USP42: variants seen among roughly 807,000 people sequenced by gnomAD.
USP42 encodes ubiquitin specific peptidase 42.
USP42 carries 23 observed loss-of-function variants against 113.0 expected under a neutral mutation model. That is an observed-to-expected ratio of 0.20 (90% CI 0.15 to 0.29). The LOEUF (loss-of-function observed/expected upper bound fraction) is 0.29, where lower values mean the gene tolerates loss of function less well. Among genes scored for constraint, USP42 ranks in the 10% least tolerant of loss-of-function variants. USP42 has a pLI of 1.00. For synonymous variants in USP42, 933 were observed against 699.0 expected (o/e 1.33, Z -5.28); for missense variants, 2,174 against 1,779.8 (o/e 1.22, Z -3.99).
intron 3 of USP42, among the ~76,000 whole-genome samples, chr7:6,131,500 A>G (rs1780849975): frequency 6.6e-6 from 1 of 152,058 alleles, no homozygotes; most frequent in South Asian, 2.1e-4. Context: ...ACAAAAACAA[A>G]CATCATAATA....
chr7:6,158,439 G>A lies in USP42; in HGVS notation c.3944-1011G>A, dbSNP rs770831142. Among the ~76,000 whole-genome samples, 44 of 152,250 alleles carry A rather than the reference G, an allele frequency of 2.9e-4. No homozygotes were observed. The highest frequency in any genetic ancestry group is 9.2e-4 in the Admixed American group (14 of 15,298). ...CTGCCCTGAGGCCTTTTGCTTCTCG[G>A]CTGAGTTGTGGGTTAGGTGGAGCTG... On this transcript the variant is annotated intron_variant, in intron 16 of 17. Coordinates refer to ENST00000306177, the MANE Select transcript of USP42 (RefSeq NM_032172.3). The surrounding 1 kb of genome is among the most constrained non-coding windows in gnomAD (Gnocchi z 4.2).
At position 6,157,547 on chromosome 7, in the gene USP42, G is replaced by A. The variant is rs1281537213; in HGVS notation, c.3943+492G>A. 1.5e-5 allele frequency: 4 copies of A among 264,146 alleles called. No individual in the cohort carries two copies. Among genetic ancestry groups the A allele is most frequent in the African/African-American group, 2.3e-5 (1 of 43,360 alleles). The allele number at this position is 264,146 out of a possible 1,614,324, so 16.4% of individuals were successfully genotyped here. ...TGAGTAGCCGGGACTACAGGCGCCCGCCACCACGCCCGGCTAAATTTTGTG... is the reference window on the plus strand; with the variant it reads ...TGAGTAGCCGGGACTACAGGCGCCCACCACCACGCCCGGCTAAATTTTGTG... On this transcript the variant is annotated intron_variant, in intron 16 of 17. Coordinates refer to ENST00000306177, the MANE Select transcript of USP42 (RefSeq NM_032172.3). This position sits in a 1 kb window ranked among gnomAD's most constrained non-coding sequence, Gnocchi z 4.1.
the USP42 span, among the ~76,000 whole-genome samples, chr7:6,094,028 G>A: frequency 1.0e-4 from 15 of 150,154 alleles, 1 homozygote; most frequent in South Asian, 2.1e-4. Context: ...TAGCTGGTGC[G>A]TGCCACCACA....
At position 6,111,115 on chromosome 7, in the gene USP42, T is replaced by C; in HGVS notation, c.-9-10T>C. Reference sequence around the variant, plus strand: ...TGATGAAACAAATACATACTTTTCATCTTTTGCAGAGTTGAACAATGACCA... The same window carrying C: ...TGATGAAACAAATACATACTTTTCACCTTTTGCAGAGTTGAACAATGACCA... On this transcript the variant is annotated splice_polypyrimidine_tract_variant and intron_variant, in intron 1 of 17. Coordinates refer to ENST00000306177, the MANE Select transcript of USP42 (RefSeq NM_032172.3). The C allele has an allele frequency of 6.2e-7, 1 of 1,602,670 alleles. No individual in the cohort carries two copies. Among genetic ancestry groups the C allele is most frequent in the Non-Finnish European group, 8.5e-7 (1 of 1,171,228 alleles).
At chr7:6,108,260 A>G (rs1051651860) in intron 1 of USP42, among the ~76,000 whole-genome samples, 2 of 152,132 alleles carry the variant, frequency 1.3e-5, no homozygotes, top group African/African-American at 4.8e-5. Flanking sequence ...AAATTTGGCC[A>G]GGTTCTGTGG....
At chr7:6,160,109 C>T (rs894498930) in intron 17 of USP42, among the ~76,000 whole-genome samples, 28 of 151,812 alleles carry the variant, frequency 1.8e-4, no homozygotes, top group Admixed American at 2.0e-4. Flanking sequence ...CTAGAGGGGA[C>T]AGTGAACCAT....
At chr7:6,143,539 A>T (rs1384431045) in intron 8 of USP42, among the ~76,000 whole-genome samples, 1 of 152,142 alleles carries the variant, frequency 6.6e-6, no homozygotes, top group South Asian at 2.1e-4. Context: ...GCTCTTTTGT[A>T]TGTTTTTAAG....
At chr7:6,128,896 C>T (rs111565325) in intron 3 of USP42, among the ~76,000 whole-genome samples, 3,182 of 152,264 alleles carry the variant, frequency 0.021, 123 homozygotes, top group Admixed American at 0.1. Flanking sequence ...TCTCAGCTCA[C>T]TACAGCCTCA....
chr7:6,105,154 G>A (rs1779190971), intron 1 of USP42, 122 bp downstream of exon 1: 1 of 145,828 alleles, frequency 6.9e-6, no homozygotes, highest in African/African-American at 2.5e-5. Flanking sequence ...GGGGGCTGGT[G>A]CGGCCCCTCG....
At chr7:6,097,833 G>A in the USP42 span, among the ~76,000 whole-genome samples, 53 of 146,570 alleles carry the variant, frequency 3.6e-4, no homozygotes, top group South Asian at 2.4e-3. Flanking sequence ...CTCGTGATCC[G>A]CCCGCCTCGG....
intron 15 of USP42, 128 bp downstream of exon 15, chr7:6,155,323 T>G: frequency 1.4e-6 from 2 of 1,386,220 alleles, no homozygotes; most frequent in East Asian, 2.6e-5. Flanking sequence ...ATTTGTGTCT[T>G]TCATTTCTGT....
chr7:6,097,836 C>T, the USP42 span, among the ~76,000 whole-genome samples: 2 of 150,258 alleles, frequency 1.3e-5, no homozygotes, highest in East Asian at 1.9e-4. Context: ...GTGATCCGCC[C>T]GCCTCGGCCT....
chr7:6,127,469 A>C (rs1187121860), intron 3 of USP42, among the ~76,000 whole-genome samples: 7 of 151,364 alleles, frequency 4.6e-5, no homozygotes, highest in Non-Finnish European at 1.0e-4. Flanking sequence ...TTTTTTAGAA[A>C]CTGAGATTTG....
chr7:6,145,438 C>A, intron 9 of USP42, 78 bp from the exon 10 acceptor site: 1 of 1,573,512 alleles, frequency 6.4e-7, no homozygotes, highest in Non-Finnish European at 8.7e-7. Context: ...TCCTAGGAAG[C>A]TCTAAGTACC....
At chr7:6,112,682 C>G (rs903653184) in intron 2 of USP42, among the ~76,000 whole-genome samples, 2 of 152,086 alleles carry the variant, frequency 1.3e-5, no homozygotes, top group Admixed American at 6.5e-5. Context: ...GCTTTGAATG[C>G]AGCCCAACAC....
intron 1 of USP42, among the ~76,000 whole-genome samples, chr7:6,105,414 G>C (rs1779215987): frequency 6.7e-6 from 1 of 149,184 alleles, no homozygotes; most frequent in Admixed American, 6.7e-5. Flanking sequence ...GGCTCGGGGC[G>C]GCCGGGGTGG....
intron 2 of USP42, chr7:6,111,715 G>C (rs190001847): frequency 0.013 from 2,256 of 167,958 alleles, 29 homozygotes; most frequent in Middle Eastern, 0.058. Context: ...ACATTTTCCT[G>C]CCTCAGCCTC....
At chr7:6,108,794 A>G (rs1583570622) in intron 1 of USP42, among the ~76,000 whole-genome samples, 1 of 152,206 alleles carries the variant, frequency 6.6e-6, no homozygotes, top group East Asian at 1.9e-4. Context: ...ATTAAAAAAA[A>G]AATTTTTTAA....
At chr7:6,140,451 A>G (rs1001219857) in intron 6 of USP42, among the ~76,000 whole-genome samples, 1 of 152,092 alleles carries the variant, frequency 6.6e-6, no homozygotes, top group Non-Finnish European at 1.5e-5. Context: ...AGTCTTTTAC[A>G]TTTCAGCACA....
Sources: allele counts gnomAD v4.1 joint callset (sites outside exome capture counted in the v4.1 genomes callset), GRCh38; gene constraint gnomAD v4.1.1; non-coding constraint Gnocchi (gnomAD v3.1); transcripts MANE v1.5; gene names NCBI Gene and HGNC (gene_info 2026-07-23, HGNC 2026-07-21).